GRID2: variants seen among roughly 807,000 people sequenced by gnomAD.
GRID2 encodes glutamate receptor ionotropic, delta-2.
In GRID2, 33 loss-of-function variants were observed where a neutral mutation model predicts 114.8. That is an observed-to-expected ratio of 0.29 (90% CI 0.22 to 0.38). The LOEUF is 0.38. Ranked by LOEUF, GRID2 falls within the 10% of genes least tolerant of loss-of-function variation. The pLI is 1.00. For synonymous variants in GRID2, 505 were observed against 449.9 expected (o/e 1.12, Z -1.55); for missense variants, 1,184 against 1,257.7 (o/e 0.94, Z 0.89).
intron 4 of GRID2, among the ~76,000 whole-genome samples, chr4:93,125,752 C>G (rs1490663046): frequency 6.6e-6 from 1 of 151,858 alleles, no homozygotes; most frequent in Non-Finnish European, 1.5e-5. Context: ...AATGAATAAG[C>G]AAATCCTTAT....
At chr4:92,723,266 T>C (rs1010803053) in intron 2 of GRID2, among the ~76,000 whole-genome samples, 2 of 152,124 alleles carry the variant, frequency 1.3e-5, no homozygotes, top group Non-Finnish European at 2.9e-5. Flanking sequence ...CTTAAAGTAG[T>C]GCTGATTTGA....
At chr4:92,554,271 C>T (rs1048205748) in intron 1 of GRID2, among the ~76,000 whole-genome samples, 13 of 151,904 alleles carry the variant, frequency 8.6e-5, no homozygotes, top group African/African-American at 3.1e-4. Context: ...ATAGTGATGC[C>T]GTCTATAAGA....
intron 13 of GRID2, among the ~76,000 whole-genome samples, chr4:93,517,856 C>G (rs1160728931): frequency 6.6e-6 from 1 of 150,806 alleles, no homozygotes; most frequent in Non-Finnish European, 1.5e-5. Context: ...CAAAAGGCCA[C>G]ACTTCTTCTA....
At chr4:93,389,730 G>A (rs1193469731) in intron 8 of GRID2, among the ~76,000 whole-genome samples, 1 of 152,010 alleles carries the variant, frequency 6.6e-6, no homozygotes, top group Non-Finnish European at 1.5e-5. Context: ...TTTATTAAAA[G>A]AGGTTAAGTA....
At chr4:93,014,249 C>G (rs549278815) in intron 2 of GRID2, among the ~76,000 whole-genome samples, 19 of 152,014 alleles carry the variant, frequency 1.2e-4, no homozygotes, top group Admixed American at 1.1e-3. Flanking sequence ...GCCTGATCAC[C>G]ACCCAGAAGC....
At chr4:92,649,804 G>C (rs1164561131) in intron 2 of GRID2, among the ~76,000 whole-genome samples, 1 of 151,894 alleles carries the variant, frequency 6.6e-6, no homozygotes, top group Non-Finnish European at 1.5e-5. Context: ...TTGATATCTC[G>C]TAACTTAGAA....
chr4:93,479,225 A>T (rs1725618597), intron 11 of GRID2, among the ~76,000 whole-genome samples: 1 of 152,130 alleles, frequency 6.6e-6, no homozygotes, highest in Non-Finnish European at 1.5e-5. Flanking sequence ...TTGCTAAAAA[A>T]TGCTGATGGA....
rs1726577454 is a variant in GRID2, at chr4:93,050,377, A to G, written c.245-34618A>G. ...TTAAAAAAATTTACCTCAGTCTTTT[A>G]TACTCCTCCTTAATCATGAATGCAA... On this transcript the variant is annotated intron_variant, in intron 2 of 15. Coordinates refer to ENST00000282020, the MANE Select transcript of GRID2 (RefSeq NM_001510.4). 5.3e-5 allele frequency among the ~76,000 whole-genome samples: 8 copies of G among 152,104 alleles called. No homozygotes were observed. In the South Asian group the frequency reaches 1.7e-3, roughly 32 times the overall value.
chr4:92,566,823 A>G (rs1727361137), intron 1 of GRID2, among the ~76,000 whole-genome samples: 2 of 152,066 alleles, frequency 1.3e-5, no homozygotes, highest in African/African-American at 2.4e-5. Flanking sequence ...TCAAAGTATG[A>G]CTAGTATGTG....
chr4:93,363,530 G>GT (rs949944110), intron 8 of GRID2, among the ~76,000 whole-genome samples: 3 of 151,688 alleles, frequency 2.0e-5, no homozygotes, highest in East Asian at 1.9e-4. Flanking sequence ...TGATATATGT[G>GT]TTTTTTTTCT....
chr4:93,111,814 A>G (rs561438153), intron 4 of GRID2: 2 of 144,338 alleles, frequency 1.4e-5, no homozygotes, highest in Non-Finnish European at 3.0e-5. Flanking sequence ...GTACTGCTAT[A>G]AAGATTCCAA....
At chr4:92,996,492 C>T (rs1003481464) in intron 2 of GRID2, among the ~76,000 whole-genome samples, 3 of 152,072 alleles carry the variant, frequency 2.0e-5, no homozygotes, top group African/African-American at 4.8e-5. Flanking sequence ...AAATCTGTGT[C>T]TGGGTCTGTA....
At chr4:93,681,256 C>A (rs1725502788) in intron 14 of GRID2, among the ~76,000 whole-genome samples, 1 of 151,390 alleles carries the variant, frequency 6.6e-6, no homozygotes, top group African/African-American at 2.4e-5. Context: ...GAACTACAAA[C>A]CACTGCTCAA....
At chr4:92,988,389 C>T (rs1243675843) in intron 2 of GRID2, among the ~76,000 whole-genome samples, 1 of 152,116 alleles carries the variant, frequency 6.6e-6, no homozygotes, top group Non-Finnish European at 1.5e-5. Context: ...TACATAGCAA[C>T]TGATTTCCTT....
chr4:93,075,591 TAGA>T (rs1202244697), intron 2 of GRID2, among the ~76,000 whole-genome samples: 1 of 152,114 alleles, frequency 6.6e-6, no homozygotes. Context: ...AAAAGGAAAC[TAGA>T]AGAAGTGAGT....
At chr4:93,075,081 C>T (rs1184892479) in intron 2 of GRID2, among the ~76,000 whole-genome samples, 1 of 152,142 alleles carries the variant, frequency 6.6e-6, no homozygotes, top group Non-Finnish European at 1.5e-5. Flanking sequence ...CCAGAAAATT[C>T]AAAATGTGTG....
At chr4:93,165,332 C>T (rs1738146638) in intron 4 of GRID2, among the ~76,000 whole-genome samples, 1 of 151,890 alleles carries the variant, frequency 6.6e-6, no homozygotes, top group Admixed American at 6.6e-5. Context: ...GGAGCCTGAG[C>T]AGAAGCCCCT....
intron 1 of GRID2, among the ~76,000 whole-genome samples, chr4:93,800,707 T>A (rs1175885453): frequency 6.6e-6 from 1 of 152,198 alleles, no homozygotes; most frequent in Non-Finnish European, 1.5e-5. Context: ...TTAAGAGACA[T>A]TATAGTGATG....
At chr4:93,193,437 C>T (rs934777539) in intron 4 of GRID2, among the ~76,000 whole-genome samples, 15 of 152,144 alleles carry the variant, frequency 9.9e-5, no homozygotes, top group South Asian at 4.2e-4. Flanking sequence ...TGAGTTCTTA[C>T]GAGATCTGAT....
Sources: gnomAD v4.1 joint callset for allele counts (sites outside exome capture counted in the v4.1 genomes callset) on GRCh38, gnomAD v4.1.1 for gene constraint, MANE v1.5 for transcripts, NCBI Gene and HGNC (gene_info 2026-07-23, HGNC 2026-07-21) for gene names.